Variants in PLVAP observed in about 807,000 individuals in gnomAD.
PLVAP encodes plasmalemma vesicle associated protein, also known as plasmalemma vesicle-associated protein.
A neutral mutation model predicts 43.1 loss-of-function variants in PLVAP; 34 were observed. The observed-to-expected ratio is 0.79, with a 90% CI of 0.60 to 1.05. The LOEUF (loss-of-function observed/expected upper bound fraction) is 1.05, where lower values mean the gene tolerates loss of function less well. Ranked by LOEUF, PLVAP falls within the 50% of genes least tolerant of loss-of-function variation. The probability of loss-of-function intolerance (pLI) is 0.00; values close to 1 mark genes in which losing one functional copy is unlikely to be tolerated. For missense variants in PLVAP, 574 were observed against 593.4 expected (o/e 0.97, Z 0.34); for synonymous variants, 241 against 237.3 (o/e 1.02, Z -0.14).
At chr19:17,372,691 A>C (rs1199980602) in intron 1 of PLVAP, among the ~76,000 whole-genome samples, 3 of 150,342 alleles carry the variant, frequency 2.0e-5, no homozygotes, top group Admixed American at 1.3e-4. Flanking sequence ...CTCCTGACCT[A>C]GTGATCCACC....
chr19:17,358,583 C>T (rs1300309847), intron 5 of PLVAP, among the ~76,000 whole-genome samples: 3 of 152,032 alleles, frequency 2.0e-5, no homozygotes, highest in South Asian at 2.1e-4. Context: ...ATTCTTGGGG[C>T]GGTGGCCTGA....
chr19:17,374,307 A>G (rs1399243838), intron 1 of PLVAP, among the ~76,000 whole-genome samples: 1 of 152,142 alleles, frequency 6.6e-6, no homozygotes, highest in African/African-American at 2.4e-5. Context: ...TCTACTAAAA[A>G]TAGAAAAATT....
At chr19:17,371,495 T>C (rs1430620856) in intron 1 of PLVAP, among the ~76,000 whole-genome samples, 1 of 151,970 alleles carries the variant, frequency 6.6e-6, no homozygotes. Flanking sequence ...TTTAATTTAA[T>C]TTTATTTTTT....
At chr19:17,368,064 A>ATTTTTTTTTTTTT in intron 1 of PLVAP, among the ~76,000 whole-genome samples, 1 of 76,028 alleles carries the variant, frequency 1.3e-5, no homozygotes, top group Non-Finnish European at 2.3e-5. Context: ...TGCCCGGCTA[A>ATTTTTTTTTTTTT]TTTTTTTTTT....
rs1227026920 is a variant in PLVAP, at chr19:17,360,831, G to A, written c.1181C>T (p.Ser394Leu). 6.2e-6 allele frequency: 10 copies of A among 1,613,380 alleles called. No homozygotes were observed. The highest frequency in any genetic ancestry group is 1.1e-5 in the South Asian group (1 of 91,062). The change falls in exon 4 of 6, where the codon TCG becomes TTG. Residue 394 changes from serine to leucine, a missense_variant and splice_region_variant. Physicochemically the swap from Ser to Leu is moderately radical, Grantham distance 145. Transcript: ENST00000252590. The part of the protein sequence containing the change: ...SALDTCIKTK[S>L]QPMMPVSRPM... ...CCTTGACACTGGCATCATCGGCTGCGACTGTGAAAGAAAGATGGAGGGAGG... is the reference window on the plus strand; with the variant it reads ...CCTTGACACTGGCATCATCGGCTGCAACTGTGAAAGAAAGATGGAGGGAGG...
At position 17,365,785 on chromosome 19, in the gene PLVAP, G is replaced by C. The variant is rs758353667; in HGVS notation, c.680C>G (p.Pro227Arg). 6.2e-7 allele frequency: 1 copy of C among 1,614,132 alleles called. No individual in the cohort carries two copies. The highest frequency in any genetic ancestry group is 1.1e-5 in the South Asian group (1 of 91,086). ...QLQKVQALCLPLDKDKFEMDL... is the reference protein window; with the variant it reads ...QLQKVQALCLRLDKDKFEMDL... Reference sequence around the variant, plus strand: ...CATCTCAAACTTGTCCTTGTCCAGGGGCAGGCAGAGGGCTTGCACCTTTTG... The same window carrying C: ...CATCTCAAACTTGTCCTTGTCCAGGCGCAGGCAGAGGGCTTGCACCTTTTG... The change falls in exon 3 of 6, where the codon CCC becomes CGC. Residue 227 changes from proline (P) to arginine (R), a missense_variant. Pro to Arg is a moderately radical substitution (Grantham distance 103). Transcript: ENST00000252590.
At chr19:17,352,440 G>T in intron 5 of PLVAP, 72 bp from the exon 6 acceptor site, 1 of 1,540,004 alleles carries the variant, frequency 6.5e-7, no homozygotes, top group Non-Finnish European at 9.0e-7. Context: ...CCGGGCCCTG[G>T]AGGCTCGTCC....
chr19:17,367,961 G>T (rs1046999898), intron 1 of PLVAP, among the ~76,000 whole-genome samples: 1 of 151,316 alleles, frequency 6.6e-6, no homozygotes, highest in Non-Finnish European at 1.5e-5. Flanking sequence ...ACAATGGCTC[G>T]ATCTCAGCTC....
In PLVAP at chr19:17,368,715, C is replaced by T. The variant is rs529153215; in HGVS notation, c.370-2520G>A. Among the ~76,000 whole-genome samples the T allele has an allele frequency of 3.3e-5, 5 of 152,172 alleles. No individual in the cohort carries two copies. The East Asian group carries it at 5.8e-4, about 18-fold the overall frequency. ...GGAACAGGCCGGCTATGGTGGCTCA[C>T]GCCTGTAATCCCAGCACTCTGGGAG... On this transcript the variant is annotated intron_variant, in intron 1 of 5. Coordinates refer to ENST00000252590, the MANE Select transcript of PLVAP (RefSeq NM_031310.3).
intron 3 of PLVAP, among the ~76,000 whole-genome samples, chr19:17,363,212 G>C (rs1015883997): frequency 2.6e-5 from 4 of 152,108 alleles, no homozygotes; most frequent in African/African-American, 7.2e-5. Flanking sequence ...ACCCAGGCTA[G>C]AGTTGCAGTG....
intron 1 of PLVAP, among the ~76,000 whole-genome samples, chr19:17,368,408 C>T (rs1341381161): frequency 6.6e-6 from 1 of 151,616 alleles, no homozygotes; most frequent in African/African-American, 2.4e-5. Flanking sequence ...GACAGGGTTT[C>T]ACCATGTTGG....
chr19:17,354,866 C>T (rs1210356267), intron 5 of PLVAP, among the ~76,000 whole-genome samples: 1 of 149,020 alleles, frequency 6.7e-6, no homozygotes, highest in Non-Finnish European at 1.5e-5. Flanking sequence ...CCACTGCACT[C>T]CAGCCTGGGT....
chr19:17,357,588 C>G (rs1186681054), intron 5 of PLVAP, among the ~76,000 whole-genome samples: 1 of 152,070 alleles, frequency 6.6e-6, no homozygotes, highest in Non-Finnish European at 1.5e-5. Flanking sequence ...TGTTTGAGCC[C>G]AGGAGTTCGA....
chr19:17,376,926 A>C lies in PLVAP; in HGVS notation c.363T>G (p.Gly121=). Residue 121 remains glycine (G), a synonymous_variant, in exon 1 of 6, where the codon GGT becomes GGG. Coordinates refer to ENST00000252590, the MANE Select transcript of PLVAP (RefSeq NM_031310.3). ...GTCCTGCCCACAGCCTTACCCGGTC[A>C]CCCTGGCACTGGCGGAAGCTGGCAT... ...RINASFRQCQ[G]DRVIYTNNQR... is the part of the protein sequence containing the mutation. 6.2e-7 allele frequency: 1 copy of C among 1,612,898 alleles called. No homozygotes were observed. The highest frequency in any genetic ancestry group is 1.1e-5 in the South Asian group (1 of 90,904).
chr19:17,355,187 G>A (rs1444754573), intron 5 of PLVAP, among the ~76,000 whole-genome samples: 2 of 147,702 alleles, frequency 1.4e-5, no homozygotes, highest in African/African-American at 4.9e-5. Flanking sequence ...TCACACCAGT[G>A]TACTCCAGCG....
chr19:17,356,940 CGAGA>C (rs897566884), intron 5 of PLVAP, among the ~76,000 whole-genome samples: 5 of 151,086 alleles, frequency 3.3e-5, no homozygotes, highest in African/African-American at 1.2e-4. Context: ...GCCTGGGCAA[CGAGA>C]GAGAAACTCC....
Position 17,360,404 on chromosome 19 carries a change from A to G in PLVAP, c.1322+124T>C, listed in dbSNP as rs982460878. On this transcript the variant is annotated intron_variant, in intron 5 of 5. Transcript: ENST00000252590. ...CACGCCCAACCATACATGACCTAGT[A>G]TACAGCAGGTGCTCAATTAAGGAAG... The G allele has an allele frequency of 6.1e-6, 6 of 990,520 alleles. No homozygotes were observed. The Admixed American group carries it at 1.1e-4, about 19-fold the overall frequency. 61.4% of individuals were successfully genotyped at this position (990,520 alleles called of 1,614,324 possible).
At chr19:17,369,021 C>T (rs1022543546) in intron 1 of PLVAP, among the ~76,000 whole-genome samples, 6 of 152,086 alleles carry the variant, frequency 3.9e-5, no homozygotes, top group South Asian at 2.1e-4. Context: ...GGAACAGATC[C>T]TTCCCTCACA....
intron 1 of PLVAP, 120 bp from the exon 2 acceptor site, chr19:17,366,315 C>T (rs1336471570): frequency 3.5e-6 from 3 of 848,822 alleles, no homozygotes; most frequent in African/African-American, 3.4e-5. Flanking sequence ...GGGCATGGTC[C>T]CTTTATGAGG....
Sources: allele counts gnomAD v4.1 joint callset (sites outside exome capture counted in the v4.1 genomes callset), GRCh38; gene constraint gnomAD v4.1.1; transcripts MANE v1.5; gene names NCBI Gene and HGNC (gene_info 2026-07-23, HGNC 2026-07-21).